LINGO2: variants seen among roughly 807,000 people sequenced by gnomAD.
The protein encoded by LINGO2 is leucine-rich repeat and immunoglobulin-like domain-containing nogo receptor-interacting protein 2.
A neutral mutation model predicts 30.6 loss-of-function variants in LINGO2; 14 were observed. That is an observed-to-expected ratio of 0.46 (90% confidence interval 0.30 to 0.72). The LOEUF (loss-of-function observed/expected upper bound fraction) is 0.72. Among genes scored for constraint, LINGO2 ranks in the 30% least tolerant of loss-of-function variants. LINGO2 has a pLI of 0.07. For synonymous variants in LINGO2, 317 were observed against 288.5 expected (o/e 1.10, Z -1.00); for missense variants, 729 against 751.7 (o/e 0.97, Z 0.35).
chr9:28,250,603 A>G (rs1016016619), intron 4 of LINGO2, among the ~76,000 whole-genome samples: 3 of 152,162 alleles, frequency 2.0e-5, no homozygotes, highest in African/African-American at 7.2e-5. Context: ...CTGTGTCCCC[A>G]TCCCCGCTCA....
the LINGO2 span, among the ~76,000 whole-genome samples, chr9:29,038,358 T>A: frequency 6.6e-6 from 1 of 152,052 alleles, no homozygotes; most frequent in Non-Finnish European, 1.5e-5. Context: ...AGGTTGATCA[T>A]CTTCTTATGT....
chr9:28,315,957 A>T (rs1322158578), intron 3 of LINGO2, among the ~76,000 whole-genome samples: 1 of 152,194 alleles, frequency 6.6e-6, no homozygotes, highest in Non-Finnish European at 1.5e-5. Flanking sequence ...TTCAAATTTA[A>T]AAGTGGCTCT....
chr9:28,551,400 A>G (rs1295989930), intron 1 of LINGO2, among the ~76,000 whole-genome samples: 2 of 151,928 alleles, frequency 1.3e-5, no homozygotes, highest in Non-Finnish European at 2.9e-5. Context: ...GTCTATATCT[A>G]AAGATATATA....
the LINGO2 span, among the ~76,000 whole-genome samples, chr9:28,814,433 C>T: frequency 6.6e-6 from 1 of 152,166 alleles, no homozygotes; most frequent in African/African-American, 2.4e-5. Flanking sequence ...GAGACTCCAT[C>T]TCAAACAAAC....
Position 28,611,616 on chromosome 9 carries a change from A to G in LINGO2, c.-365+58584T>C, listed in dbSNP as rs1051817649. Among the ~76,000 whole-genome samples the G allele has an allele frequency of 9.9e-5, 15 of 152,066 alleles. No individual in the cohort carries two copies. In the East Asian group the frequency reaches 2.7e-3, roughly 27 times the overall value. On this transcript the variant is annotated intron_variant, in intron 1 of 5. Coordinates refer to ENST00000379992, the Ensembl canonical transcript of LINGO2. ...TACAAACTCATCTTTTTTAGATTTC[A>G]TATATAAGTAGAATCATGTAGTTTG...
intron 2 of LINGO2, among the ~76,000 whole-genome samples, chr9:28,455,023 A>G (rs1216202126): frequency 6.6e-6 from 1 of 152,040 alleles, no homozygotes; most frequent in African/African-American, 2.4e-5. Flanking sequence ...TCATTTTGTT[A>G]TTCTTATCAA....
At chr9:28,432,548 T>C (rs1445825200) in intron 2 of LINGO2, among the ~76,000 whole-genome samples, 1 of 152,060 alleles carries the variant, frequency 6.6e-6, no homozygotes, top group African/African-American at 2.4e-5. Flanking sequence ...TCCTATTAAC[T>C]GTGATTGATT....
chr9:28,307,351 C>T (rs1469804781), intron 3 of LINGO2, among the ~76,000 whole-genome samples: 2 of 152,066 alleles, frequency 1.3e-5, no homozygotes, highest in African/African-American at 4.8e-5. Context: ...TCAATATATG[C>T]AGAAAAGGCC....
chr9:28,911,195 A>C, the LINGO2 span, among the ~76,000 whole-genome samples: 1 of 152,030 alleles, frequency 6.6e-6, no homozygotes, highest in Non-Finnish European at 1.5e-5. Flanking sequence ...AGAGGTAACA[A>C]AATGCATACG....
chr9:28,326,990 T>C lies in LINGO2; in HGVS notation c.-245-31624A>G, dbSNP rs1825252680. Among the ~76,000 whole-genome samples, 5 of 152,152 alleles carry C rather than the reference T, an allele frequency of 3.3e-5. No homozygotes were observed. In the South Asian group the frequency reaches 1.0e-3, roughly 31 times the overall value. The stretch of plus-strand genomic sequence containing the variant: ...TTGTGTCTCTCCAAAATTCATTTGT[T>C]GAAAAATTGATCTTCAATGTGGTGG... On this transcript the variant is annotated intron_variant, in intron 3 of 5. Transcript: ENST00000379992.
At chr9:28,054,332 G>C (rs1824817024) in intron 4 of LINGO2, among the ~76,000 whole-genome samples, 1 of 152,054 alleles carries the variant, frequency 6.6e-6, no homozygotes, top group African/African-American at 2.4e-5. Flanking sequence ...CTCTTGGATG[G>C]TTTGGCTATT....
At chr9:27,984,065 C>G (rs1239983469) in intron 5 of LINGO2, among the ~76,000 whole-genome samples, 1 of 151,834 alleles carries the variant, frequency 6.6e-6, no homozygotes, top group African/African-American at 2.4e-5. Flanking sequence ...GCAGCTTATA[C>G]TGTGTGGGGC....
At chr9:27,944,068 AT>A (rs1412687515), downstream of LINGO2, 1 of 152,134 alleles carries the variant, frequency 6.6e-6, no homozygotes, top group Non-Finnish European at 1.5e-5. Flanking sequence ...CATCTTAATT[AT>A]GTATTTTGTT....
At chr9:28,642,013 G>GA (rs1563886717) in intron 1 of LINGO2, among the ~76,000 whole-genome samples, 1 of 144,708 alleles carries the variant, frequency 6.9e-6, no homozygotes, top group Non-Finnish European at 1.5e-5. Context: ...ATAATACTCT[G>GA]TTTTTTTTTT....
At chr9:28,179,695 A>G (rs1012676961) in intron 4 of LINGO2, among the ~76,000 whole-genome samples, 4 of 144,902 alleles carry the variant, frequency 2.8e-5, no homozygotes, top group Admixed American at 7.1e-5. Context: ...ATACTATAGT[A>G]TATATATATT....
intron 4 of LINGO2, among the ~76,000 whole-genome samples, chr9:28,222,270 C>T (rs910139665): frequency 6.6e-6 from 1 of 152,004 alleles, no homozygotes; most frequent in African/African-American, 2.4e-5. Flanking sequence ...TTAAATATTG[C>T]TGTAACTTGG....
the LINGO2 span, among the ~76,000 whole-genome samples, chr9:29,007,847 T>A: frequency 6.6e-6 from 1 of 152,214 alleles, no homozygotes; most frequent in Non-Finnish European, 1.5e-5. Context: ...CTACAATTTC[T>A]TAAGAGTTAA....
intron 2 of LINGO2, among the ~76,000 whole-genome samples, chr9:28,450,863 A>G (rs768123620): frequency 6.6e-6 from 1 of 152,020 alleles, no homozygotes; most frequent in Non-Finnish European, 1.5e-5. Flanking sequence ...TAAAAGTTAA[A>G]CCACATAAAA....
intron 2 of LINGO2, among the ~76,000 whole-genome samples, chr9:28,460,609 T>G (rs1353297256): frequency 6.6e-6 from 1 of 152,162 alleles, no homozygotes; most frequent in African/African-American, 2.4e-5. Flanking sequence ...TGGGGGAAAT[T>G]GAAAATCTTC....
Sources: gnomAD v4.1 joint callset for allele counts (sites outside exome capture counted in the v4.1 genomes callset) on GRCh38, gnomAD v4.1.1 for gene constraint, MANE v1.5 for transcripts, NCBI Gene and HGNC (gene_info 2026-07-23, HGNC 2026-07-21) for gene names.